CAPN5: variants seen among roughly 807,000 people sequenced by gnomAD.
The protein encoded by CAPN5 is calpain-5.
A neutral mutation model predicts 73.0 loss-of-function variants in CAPN5; 54 were observed. That is an observed-to-expected ratio of 0.74 (90% CI 0.59 to 0.93). The LOEUF (loss-of-function observed/expected upper bound fraction) is 0.93. CAPN5 is among the 40% of genes least tolerant of loss of function. The pLI is 0.00. For synonymous variants in CAPN5, 335 were observed against 356.9 expected, an observed-to-expected ratio of 0.94 and a Z score of 0.69; for missense variants, 785 against 882.9, an observed-to-expected ratio of 0.89 and a Z score of 1.41.
intron 3 of CAPN5, among the ~76,000 whole-genome samples, chr11:77,095,513 G>A (rs565266723): frequency 9.2e-5 from 14 of 152,318 alleles, no homozygotes; most frequent in African/African-American, 3.1e-4. Context: ...GCCCACTAGG[G>A]ACCTGGAGTA....
chr11:77,083,288 C>T (rs996495055), intron 1 of CAPN5, among the ~76,000 whole-genome samples: 3 of 152,334 alleles, frequency 2.0e-5, no homozygotes, highest in East Asian at 3.9e-4. Flanking sequence ...TCCCTGCTGT[C>T]CATCTGTGCC....
At chr11:77,084,367 A>T (rs568780041) in intron 1 of CAPN5, among the ~76,000 whole-genome samples, 1 of 152,270 alleles carries the variant, frequency 6.6e-6, no homozygotes, top group Admixed American at 6.5e-5. Flanking sequence ...ACCGGAGAGA[A>T]TGAATGAATG....
At chr11:77,075,278 C>G (rs1949957428) in intron 1 of CAPN5, among the ~76,000 whole-genome samples, 1 of 152,150 alleles carries the variant, frequency 6.6e-6, no homozygotes, top group South Asian at 2.1e-4. Flanking sequence ...TGGTCTCTGG[C>G]TGGCATCTCC....
chr11:77,075,412 G>C (rs1157817254), intron 1 of CAPN5, among the ~76,000 whole-genome samples: 1 of 152,200 alleles, frequency 6.6e-6, no homozygotes, highest in Non-Finnish European at 1.5e-5. Flanking sequence ...TGTCAAGTCC[G>C]CAAGCGTCCT....
rs143394333 is a variant in CAPN5 at position 77,105,486 on chromosome 11, G to A, written c.298-7103G>A. Among the ~76,000 whole-genome samples the A allele has an allele frequency of 1.7e-3, 256 of 152,180 alleles. 1 individual carries two copies. The highest frequency in any genetic ancestry group is 5.7e-3 in the African/African-American group (239 of 41,580). On this transcript the variant is annotated intron_variant, in intron 3 of 12. Transcript: ENST00000648180. ...ATCTGGGCGCCGCCGAGGGCTTGGG[G>A]TAGGAAGGCACCAAACCAGGTGCAA... is the stretch of plus-strand genomic sequence containing the variant.
At chr11:77,113,765 G>C (rs1228424726) in intron 4 of CAPN5, among the ~76,000 whole-genome samples, 2 of 68,682 alleles carry the variant, frequency 2.9e-5, no homozygotes, top group Non-Finnish European at 5.7e-5. Flanking sequence ...GTTGTTTTTT[G>C]TTTTTTGAAA....
chr11:77,081,962 G>A (rs1555034680), intron 1 of CAPN5, among the ~76,000 whole-genome samples: 1 of 152,062 alleles, frequency 6.6e-6, no homozygotes, highest in African/African-American at 2.4e-5. Flanking sequence ...ACCTTTGTTG[G>A]TTCATGCAAC....
At chr11:77,069,862 G>A (rs2135402285) in intron 1 of CAPN5, among the ~76,000 whole-genome samples, 1 of 152,306 alleles carries the variant, frequency 6.6e-6, no homozygotes, top group Non-Finnish European at 1.5e-5. Context: ...CTGAGGCTTG[G>A]CCTTCCTGCT....
intron 1 of CAPN5, chr11:77,071,653 G>A (rs1283965676): frequency 8.8e-6 from 4 of 453,618 alleles, no homozygotes; most frequent in African/African-American, 4.0e-5. Context: ...TTTGCACCTC[G>A]CTGGCCTCAG....
At chr11:77,107,281 G>A (rs564790625) in intron 3 of CAPN5, among the ~76,000 whole-genome samples, 2 of 152,288 alleles carry the variant, frequency 1.3e-5, no homozygotes, top group East Asian at 1.9e-4. Flanking sequence ...ACAAAGGCCC[G>A]TGGCTTACCT....
intron 1 of CAPN5, among the ~76,000 whole-genome samples, chr11:77,077,646 C>G (rs80108620): frequency 0.045 from 6,905 of 151,986 alleles, 183 homozygotes; most frequent in Admixed American, 0.079. Flanking sequence ...TCTTCTGCCT[C>G]AGCCTCCTGA....
Position 77,120,977 on chromosome 11 carries a change from T to C in CAPN5, c.1487+68T>C, listed in dbSNP as rs1950516125. ...ATTCACACTGGGCCAACCAGGAACC[T>C]GCAGCCTCAGAGATGCTCAGTGTCT... On this transcript the variant is annotated intron_variant, in intron 10 of 12. Transcript: ENST00000648180. 5.5e-6 allele frequency: 8 copies of C among 1,463,310 alleles called. No homozygotes were observed. The Admixed American group carries it at 7.1e-5, about 13-fold the overall frequency. 90.6% of individuals were successfully genotyped at this position (1,463,310 alleles called of 1,614,324 possible). A position where few individuals can be genotyped will look rare whatever the true frequency, so the allele number is the denominator to read the frequency against.
intron 3 of CAPN5, among the ~76,000 whole-genome samples, chr11:77,097,049 C>T (rs1220371296): frequency 1.1e-4 from 17 of 152,234 alleles, no homozygotes; most frequent in East Asian, 3.9e-4. Context: ...GGTGAAACCC[C>T]GTCTCTACTA....
chr11:77,123,623 C>A, intron 12 of CAPN5, 65 bp from the exon 13 acceptor site: 1 of 1,369,522 alleles, frequency 7.3e-7, no homozygotes, highest in Non-Finnish European at 1.0e-6. Context: ...CAGCACCCCC[C>A]ATAGACCTAT....
At chr11:77,080,828 GT>G (rs1317801214) in intron 1 of CAPN5, among the ~76,000 whole-genome samples, 1 of 152,190 alleles carries the variant, frequency 6.6e-6, no homozygotes, top group African/African-American at 2.4e-5. Flanking sequence ...GCTCAGAGGG[GT>G]TCCCACCTTG....
intron 3 of CAPN5, among the ~76,000 whole-genome samples, chr11:77,101,011 G>A (rs1950277920): frequency 6.6e-6 from 1 of 152,158 alleles, no homozygotes; most frequent in Non-Finnish European, 1.5e-5. Flanking sequence ...CTTCATTTTG[G>A]CCCTGGCCAG....
intron 2 of CAPN5, among the ~76,000 whole-genome samples, chr11:77,088,757 C>T (rs550706466): frequency 2.0e-5 from 3 of 152,228 alleles, no homozygotes; most frequent in Admixed American, 6.5e-5. Context: ...TGCCATGGAT[C>T]CAGTCTGCTG....
At chr11:77,068,421 G>C (rs1197031409) in intron 1 of CAPN5, among the ~76,000 whole-genome samples, 4 of 152,126 alleles carry the variant, frequency 2.6e-5, no homozygotes, top group African/African-American at 9.7e-5. Flanking sequence ...ACTGATGGGT[G>C]CCCGGGAGCT....
At chr11:77,085,523 A>G (rs1555035338) in intron 2 of CAPN5, among the ~76,000 whole-genome samples, 3 of 152,238 alleles carry the variant, frequency 2.0e-5, no homozygotes, top group African/African-American at 7.2e-5. Flanking sequence ...AATTGTAAAA[A>G]GATAGTAGTA....
Sources: gnomAD v4.1 joint callset for allele counts (sites outside exome capture counted in the v4.1 genomes callset) on GRCh38, gnomAD v4.1.1 for gene constraint, MANE v1.5 for transcripts, NCBI Gene and HGNC (gene_info 2026-07-23, HGNC 2026-07-21) for gene names.